The following UBR2 variants were observed in gnomAD, a reference collection of about 807,000 sequenced individuals.
UBR2 encodes E3 ubiquitin-protein ligase UBR2.
UBR2 carries 92 observed loss-of-function variants against 247.9 expected under a neutral mutation model. That is an observed-to-expected ratio of 0.37 (90% CI 0.31 to 0.44). The LOEUF is 0.44. UBR2 is among the 20% of genes least tolerant of loss of function. The pLI is 1.00. For synonymous variants in UBR2, 672 were observed against 693.5 expected (o/e 0.97, Z 0.49); for missense variants, 1,613 against 2,112.6 (o/e 0.76, Z 4.64).
intron 41 of UBR2, 132 bp from the exon 42 acceptor site, chr6:42,679,592 T>G (rs1473416965): frequency 2.9e-6 from 2 of 688,572 alleles, no homozygotes; most frequent in Non-Finnish European, 5.0e-6. Context: ...TTCTGTTAAC[T>G]TCCTACAAGT....
Position 42,648,123 on chromosome 6 carries a change from C to A in UBR2, c.2415C>A (p.Asn805Lys). 1 of 1,613,636 alleles carries A rather than the reference C, an allele frequency of 6.2e-7. No homozygotes were observed. The highest frequency in any genetic ancestry group is 1.1e-5 in the South Asian group (1 of 91,080). Residue 805 changes from asparagine to lysine, a missense_variant, in exon 22 of 47, where the codon AAC (asparagine) becomes AAA (lysine). Asn to Lys is a moderately conservative substitution (Grantham distance 94). Coordinates refer to ENST00000372901, the MANE Select transcript of UBR2 (RefSeq NM_001363705.2). ...CTTGTGTCCTGTACCTTTAGGAGAACAAGGAGACTGGCATGGAGAGTGTAA... is the reference window on the plus strand; with the variant it reads ...CTTGTGTCCTGTACCTTTAGGAGAAAAAGGAGACTGGCATGGAGAGTGTAA... Reference protein sequence around the residue: ...ELVKSLPEDENKETGMESVIE... With the variant: ...ELVKSLPEDEKKETGMESVIE...
At position 42,564,395 on chromosome 6, in the gene UBR2, G is replaced by A. The variant is rs767462564; in HGVS notation, c.76G>A (p.Gly26Arg). The stretch of plus-strand genomic sequence containing the variant: ...GGAATGTTCGGCCGAGGAGATTGCG[G>A]GGGTGAGTGCCGGAACCCGGGCGGG... ...LLECSAEEIAGKWLQATDLTR... is the reference protein window; with the variant it reads ...LLECSAEEIARKWLQATDLTR... Residue 26 changes from glycine (G) to arginine (R), a missense_variant and splice_region_variant, in exon 1 of 47, where the codon GGG becomes AGG. Physicochemically the swap from Gly to Arg is moderately radical, Grantham distance 125 (BLOSUM62 -2). Transcript: ENST00000372901. The A allele has an allele frequency of 4.3e-6, 7 of 1,609,508 alleles. No homozygotes were observed. The South Asian group carries it at 4.4e-5, about 10-fold the overall frequency.
At chr6:42,622,162 C>A (rs898368055) in intron 11 of UBR2, among the ~76,000 whole-genome samples, 1 of 151,816 alleles carries the variant, frequency 6.6e-6, no homozygotes, top group African/African-American at 2.4e-5. Flanking sequence ...ATTACAGACA[C>A]CTGCTGCCAC....
At chr6:42,626,498 C>G (rs562865525) in intron 11 of UBR2, among the ~76,000 whole-genome samples, 1 of 152,150 alleles carries the variant, frequency 6.6e-6, no homozygotes, top group Non-Finnish European at 1.5e-5. Flanking sequence ...CAGTTGCCTT[C>G]GCTCAAAATA....
intron 11 of UBR2, chr6:42,620,481 G>GTTTTTTTGTTTT (rs1794904950): frequency 1.5e-5 from 1 of 66,620 alleles, no homozygotes; most frequent in Non-Finnish European, 4.1e-5. Flanking sequence ...ATTAAGTGTT[G>GTTTTTTTGTTTT]TTTTTTTTTT....
At chr6:42,566,938 A>G (rs1790814738) in intron 1 of UBR2, among the ~76,000 whole-genome samples, 1 of 152,250 alleles carries the variant, frequency 6.6e-6, no homozygotes, top group Non-Finnish European at 1.5e-5. Context: ...GTATTAAGTT[A>G]AAACACCTAA....
At chr6:42,637,338 T>G in intron 15 of UBR2, 144 bp downstream of exon 15, 1 of 946,768 alleles carries the variant, frequency 1.1e-6, no homozygotes, top group Non-Finnish European at 1.5e-6. Flanking sequence ...CATCGTCCTG[T>G]GAAGTAGGTA....
At chr6:42,600,331 G>C (rs1050873697) in intron 4 of UBR2, among the ~76,000 whole-genome samples, 1 of 129,042 alleles carries the variant, frequency 7.7e-6, no homozygotes. Context: ...ACATTCTGTA[G>C]CATAAATATA....
intron 23 of UBR2, among the ~76,000 whole-genome samples, chr6:42,651,821 T>G (rs1582648833): frequency 6.6e-6 from 1 of 152,150 alleles, no homozygotes; most frequent in South Asian, 2.1e-4. Context: ...ATTTTAGATG[T>G]TCATCCTTGG....
intron 32 of UBR2, among the ~76,000 whole-genome samples, chr6:42,663,680 AC>A (rs1797951554): frequency 1.3e-5 from 2 of 152,102 alleles, no homozygotes; most frequent in African/African-American, 4.8e-5. Context: ...ATTTCTAGGG[AC>A]CCTACTTTTA....
In UBR2 at chr6:42,605,733, C is replaced by T. The variant is rs1793657296; in HGVS notation, c.675C>T (p.Asp225=). 3.7e-6 allele frequency: 6 copies of T among 1,601,660 alleles called. No individual in the cohort carries two copies. The highest frequency in any genetic ancestry group is 5.1e-6 in the Non-Finnish European group (6 of 1,176,484). Residue 225 remains aspartate (D), a synonymous_variant, in exon 6 of 47, where the codon GAC becomes GAT. Coordinates refer to ENST00000372901, the MANE Select transcript of UBR2 (RefSeq NM_001363705.2). ...PADLEMVEKS[D]TYYCMLFNDE... is the part of the protein sequence containing the mutation. The stretch of plus-strand genomic sequence containing the variant: ...TTTTATCACACAGAGAGAAGAGTGA[C>T]ACCTACTATTGCATGCTGTTTAATG...
At chr6:42,585,892 CTTA>C (rs1010806159) in intron 2 of UBR2, among the ~76,000 whole-genome samples, 2 of 151,892 alleles carry the variant, frequency 1.3e-5, no homozygotes, top group African/African-American at 2.4e-5. Flanking sequence ...GATTTCTACT[CTTA>C]TTATTCTTCC....
chr6:42,576,784 G>A (rs757687578), intron 2 of UBR2, among the ~76,000 whole-genome samples: 3 of 152,072 alleles, frequency 2.0e-5, no homozygotes, highest in African/African-American at 7.2e-5. Flanking sequence ...GCCTCTCAAA[G>A]TGCTGGGATT....
chr6:42,660,645 G>A (rs1241039289), intron 30 of UBR2, among the ~76,000 whole-genome samples: 12 of 152,062 alleles, frequency 7.9e-5, no homozygotes, highest in Admixed American at 6.6e-4. Context: ...ACTTATGAAA[G>A]GTTGGTCTGC....
intron 43 of UBR2, 74 bp from the exon 44 acceptor site, chr6:42,684,720 G>A: frequency 9.0e-7 from 1 of 1,111,470 alleles, no homozygotes; most frequent in East Asian, 2.5e-5. Flanking sequence ...GCAGGTATGT[G>A]CACATGGAAG....
chr6:42,646,723 A>C (rs1796773674), intron 21 of UBR2, among the ~76,000 whole-genome samples: 1 of 151,042 alleles, frequency 6.6e-6, no homozygotes. Flanking sequence ...AGGTTGAAAA[A>C]CTCTGATCTA....
Position 42,650,305 on chromosome 6 carries a change from AG to A in UBR2, c.2486del (p.Gly829AlafsTer5). 6.2e-7 allele frequency: 1 copy of A among 1,614,004 alleles called. No individual in the cohort carries two copies. Among genetic ancestry groups the A allele is most frequent in the Non-Finnish European group, 8.5e-7 (1 of 1,179,902 alleles). On this transcript the variant is annotated frameshift_variant, in exon 23 of 47. Coordinates refer to ENST00000372901, the MANE Select transcript of UBR2 (RefSeq NM_001363705.2). LOFTEE classifies it high-confidence loss of function. Reference protein sequence around the residue: ...HFKKPGLTGRGMYELKPECAK... With the variant: ...HFKKPGLTGRXMYELKPECAK... ...ACAGGAAACCTGGATTAACAGGACG[AG>A]GCATGTATGAACTGAAACCAGAATG...
Position 42,648,131 on chromosome 6 carries a change from C to G in UBR2, c.2423C>G (p.Thr808Ser). The change falls in exon 22 of 47, where the codon ACT becomes AGT. Residue 808 changes from threonine (T) to serine (S), a missense_variant. Around this residue, in one of 3 missense-constraint regions of UBR2, gnomAD observed 1,524 missense variants for 1,967.3 expected, o/e 0.77. Coordinates refer to ENST00000372901, the MANE Select transcript of UBR2 (RefSeq NM_001363705.2). ...CTGTACCTTTAGGAGAACAAGGAGACTGGCATGGAGAGTGTAATCGAAGCA... is the reference window on the plus strand; with the variant it reads ...CTGTACCTTTAGGAGAACAAGGAGAGTGGCATGGAGAGTGTAATCGAAGCA... ...KSLPEDENKE[T>S]GMESVIEAVA... 1 of 1,613,812 alleles carries G rather than the reference C, an allele frequency of 6.2e-7. No individual in the cohort carries two copies. Among genetic ancestry groups the G allele is most frequent in the Non-Finnish European group, 8.5e-7 (1 of 1,179,766 alleles).
intron 43 of UBR2, 139 bp from the exon 44 acceptor site, chr6:42,684,655 C>G (rs528768551): frequency 1.1e-5 from 5 of 469,890 alleles, no homozygotes; most frequent in Non-Finnish European, 1.8e-5. Flanking sequence ...AACTCCATTT[C>G]TTGTCTTGGC....
Sources: gnomAD v4.1 joint callset for allele counts (sites outside exome capture counted in the v4.1 genomes callset) on GRCh38, gnomAD v4.1.1 for gene constraint, gnomAD v4.1.1 regional missense constraint, MANE v1.5 for transcripts, NCBI Gene and HGNC (gene_info 2026-07-23, HGNC 2026-07-21) for gene names.